Variants in CUX1 observed in about 807,000 individuals in gnomAD.
CUX1 encodes protein CASP.
In CUX1, 31 loss-of-function variants were observed where a neutral mutation model predicts 158.8. The ratio of observed to expected loss-of-function variants is 0.20; its 90% confidence interval spans 0.15 to 0.26. CUX1 has a LOEUF of 0.26. Among genes scored for constraint, CUX1 ranks in the 10% least tolerant of loss-of-function variants. The pLI, the probability that CUX1 is intolerant of heterozygous loss-of-function variation, is 1.00. For synonymous variants in CUX1, 879 were observed against 862.1 expected (o/e 1.02, Z -0.34); for missense variants, 1,589 against 2,014.6 (o/e 0.79, Z 4.04).
At chr7:101,855,862 A>T (rs1796730991) in intron 1 of CUX1, among the ~76,000 whole-genome samples, 1 of 126,486 alleles carries the variant, frequency 7.9e-6, no homozygotes, top group South Asian at 2.8e-4. Context: ...TGGGCGGTAG[A>T]AGGAGTTTCC....
At chr7:102,113,432 T>C (rs542147302) in intron 7 of CUX1, among the ~76,000 whole-genome samples, 1 of 152,026 alleles carries the variant, frequency 6.6e-6, no homozygotes, top group South Asian at 2.1e-4. Flanking sequence ...CCGGTTAATT[T>C]TTGTATTTTT....
chr7:102,198,806 T>C lies in CUX1; in HGVS notation c.1899T>C (p.Asn633=), dbSNP rs1795079164. ...ACCACACTTGTTTTTCAACAGAGAA[T>C]CCAGGCCAGAGCCTGAACAGACTAT... ...LRSIQGRQRE[N]PGQSLNRLFQ... Residue 633 remains asparagine (N), a synonymous_variant, in exon 16 of 24, where the codon AAT becomes AAC. Transcript: ENST00000292535. The C allele has an allele frequency of 6.2e-7, 1 of 1,614,094 alleles. No individual in the cohort carries two copies. Among genetic ancestry groups the C allele is most frequent in the African/African-American group, 1.3e-5 (1 of 75,048 alleles).
At chr7:102,185,462 T>C (rs957955870) in intron 11 of CUX1, among the ~76,000 whole-genome samples, 7 of 152,110 alleles carry the variant, frequency 4.6e-5, no homozygotes, top group Non-Finnish European at 8.8e-5. Flanking sequence ...TCTCACTCTT[T>C]TGCCTGGGGT....
At chr7:101,924,973 A>C (rs1805413658) in intron 2 of CUX1, among the ~76,000 whole-genome samples, 1 of 152,116 alleles carries the variant, frequency 6.6e-6, no homozygotes, top group Non-Finnish European at 1.5e-5. Context: ...CTCTGTTATC[A>C]ACAAATCTTG....
chr7:102,227,273 G>C, intron 20 of CUX1, 94 bp from the exon 21 acceptor site: 1 of 1,093,954 alleles, frequency 9.1e-7, no homozygotes, highest in Admixed American at 2.1e-5. Context: ...CTCCTACAGA[G>C]CGTTTAATTA....
intron 20 of CUX1, among the ~76,000 whole-genome samples, chr7:102,221,306 G>A (rs1554526836): frequency 6.6e-6 from 1 of 152,246 alleles, no homozygotes; most frequent in Non-Finnish European, 1.5e-5. Flanking sequence ...TGGCATGCCA[G>A]CAGTAAAAAT....
chr7:101,967,327 C>G (rs1277818734), intron 2 of CUX1, among the ~76,000 whole-genome samples: 1 of 152,134 alleles, frequency 6.6e-6, no homozygotes, highest in Admixed American at 6.6e-5. Flanking sequence ...AAATCTTTTT[C>G]CATTTGCCAC....
At chr7:101,834,995 CATAA>C (rs60371062) in intron 1 of CUX1, among the ~76,000 whole-genome samples, 30,905 of 148,856 alleles carry the variant, frequency 0.21, 3,531 homozygotes, top group East Asian at 0.37. Context: ...GACTCTGTGT[CATAA>C]ATAAATAAAT....
rs782771255 is a variant in CUX1 at position 102,248,837 on chromosome 7, C to A, written c.4313C>A (p.Ala1438Glu). 8.2e-7 allele frequency: 1 copy of A among 1,219,004 alleles called. No individual in the cohort carries two copies. 75.5% of individuals were successfully genotyped at this position (1,219,004 alleles called of 1,614,324 possible). ...GAGGGCCCCGCGGCCCCGAGCTCCGCGCCGCCGCCCAGCAACAGCAGCAGC... is the reference window on the plus strand; with the variant it reads ...GAGGGCCCCGCGGCCCCGAGCTCCGAGCCGCCGCCCAGCAACAGCAGCAGC... ...PGEGPAAPSS[A>E]PPPSNSSSSS... Residue 1438 changes from alanine to glutamate, a missense_variant, in exon 24 of 24, where the codon GCG becomes GAG. Around this residue, in one of 8 missense-constraint regions of CUX1, gnomAD observed 344 missense variants for 323.7 expected, o/e 1.06. Coordinates refer to ENST00000292535, the MANE Select transcript of CUX1 (RefSeq NM_181552.4). The surrounding 1 kb of genome is among the most constrained non-coding windows in gnomAD (Gnocchi z 5.8).
rs144112003 is a variant in CUX1 at position 102,135,423 on chromosome 7, C to T, written c.674+20150C>T. Among the ~76,000 whole-genome samples, 1,375 of 152,078 alleles carry T rather than the reference C, an allele frequency of 9.0e-3. 12 individuals are homozygous for T. The highest frequency in any genetic ancestry group is 0.014 in the Non-Finnish European group (984 of 67,988). ...CCAAGGAAGAGGAGGGTTGGTCTCG[C>T]TGTCTCGGGTGACAGCGGAGGAGGA... On this transcript the variant is annotated intron_variant, in intron 8 of 23. Coordinates refer to ENST00000292535, the MANE Select transcript of CUX1 (RefSeq NM_181552.4).
At chr7:102,243,968 A>G (rs1800529211) in intron 23 of CUX1, among the ~76,000 whole-genome samples, 1 of 152,078 alleles carries the variant, frequency 6.6e-6, no homozygotes, top group Non-Finnish European at 1.5e-5. Flanking sequence ...CGGAGGTTGC[A>G]GTGAGCCGAG....
chr7:101,835,226 G>A (rs953689585), intron 1 of CUX1, among the ~76,000 whole-genome samples: 4 of 151,964 alleles, frequency 2.6e-5, no homozygotes, highest in South Asian at 2.1e-4. Context: ...GCCTCCATGC[G>A]TCTCGGGAAT....
rs972754982 is a variant in CUX1 at position 102,229,684 on chromosome 7, C to T, written c.3433+2015C>T. Among the ~76,000 whole-genome samples, 3 of 138,564 alleles carry T rather than the reference C, an allele frequency of 2.2e-5. No individual in the cohort carries two copies. The East Asian group carries it at 6.5e-4, about 30-fold the overall frequency. 90.9% of individuals were successfully genotyped at this position (138,564 alleles called of 152,430 possible). A position where few individuals can be genotyped will look rare whatever the true frequency, so the allele number is the denominator to read the frequency against. ...TCAGGCTGGAGTGCAGTGGCACAAT[C>T]GCGGCTCACTATAATCACTGCCTCC... On this transcript the variant is annotated intron_variant, in intron 21 of 23. Coordinates refer to ENST00000292535, the MANE Select transcript of CUX1 (RefSeq NM_181552.4).
intron 2 of CUX1, among the ~76,000 whole-genome samples, chr7:101,923,914 C>G (rs1323176857): frequency 6.6e-6 from 1 of 152,202 alleles, no homozygotes; most frequent in Non-Finnish European, 1.5e-5. Context: ...TCTACGCCGG[C>G]CTGGCGCATT....
chr7:101,907,427 C>T (rs980165058), intron 1 of CUX1, among the ~76,000 whole-genome samples: 1 of 152,146 alleles, frequency 6.6e-6, no homozygotes, highest in African/African-American at 2.4e-5. Flanking sequence ...CGGCTCATTG[C>T]AACCTCCGCC....
At chr7:102,133,540 A>G (rs1291071636) in intron 8 of CUX1, among the ~76,000 whole-genome samples, 4 of 138,854 alleles carry the variant, frequency 2.9e-5, no homozygotes, top group African/African-American at 5.5e-5. Flanking sequence ...CAGTGATGCA[A>G]TTGTGGCTCT....
intron 1 of CUX1, among the ~76,000 whole-genome samples, chr7:101,832,584 C>G (rs1332592607): frequency 6.6e-6 from 1 of 152,130 alleles, no homozygotes; most frequent in Non-Finnish European, 1.5e-5. Context: ...GCTTGGAGTT[C>G]CTTTATTCAT....
At chr7:102,277,728 C>T (rs1308936022) in intron 17 of CUX1, among the ~76,000 whole-genome samples, 1 of 152,134 alleles carries the variant, frequency 6.6e-6, no homozygotes, top group Non-Finnish European at 1.5e-5. Context: ...GCAAAAACCA[C>T]GATTACATTT....
At chr7:101,863,062 G>C (rs1797622354) in intron 1 of CUX1, among the ~76,000 whole-genome samples, 1 of 151,954 alleles carries the variant, frequency 6.6e-6, no homozygotes, top group African/African-American at 2.4e-5. Flanking sequence ...CTTAAATTTT[G>C]AAACAAATCC....
Sources: allele counts gnomAD v4.1 joint callset (sites outside exome capture counted in the v4.1 genomes callset), GRCh38; gene constraint gnomAD v4.1.1; regional missense constraint gnomAD v4.1.1; non-coding constraint Gnocchi (gnomAD v3.1); transcripts MANE v1.5; gene names NCBI Gene and HGNC (gene_info 2026-07-23, HGNC 2026-07-21).